Variants in CAMK1D observed in about 807,000 individuals in gnomAD.
CAMK1D encodes the protein calcium/calmodulin dependent protein kinase ID, also known as calcium/calmodulin-dependent protein kinase type 1D.
CAMK1D carries 9 observed loss-of-function variants against 47.7 expected under a neutral mutation model. That is an observed-to-expected ratio of 0.19 (90% CI 0.11 to 0.33). The LOEUF (loss-of-function observed/expected upper bound fraction) is 0.33. CAMK1D is among the 10% of genes least tolerant of loss of function. The pLI, the probability that CAMK1D is intolerant of heterozygous loss-of-function variation, is 1.00. For missense variants in CAMK1D, 291 were observed against 488.7 expected, an observed-to-expected ratio of 0.60 and a Z score of 3.81; for synonymous variants, 184 against 184.9, an observed-to-expected ratio of 0.99 and a Z score of 0.04.
At chr10:12,704,799 G>C (rs1489014530) in intron 3 of CAMK1D, among the ~76,000 whole-genome samples, 1 of 152,158 alleles carries the variant, frequency 6.6e-6, no homozygotes, top group Non-Finnish European at 1.5e-5. Flanking sequence ...CCCATGGAAA[G>C]TCTATTTCTT....
At chr10:12,743,253 A>G (rs1419268007) in intron 3 of CAMK1D, among the ~76,000 whole-genome samples, 1 of 151,680 alleles carries the variant, frequency 6.6e-6, no homozygotes, top group Non-Finnish European at 1.5e-5. Flanking sequence ...AGGCTGAGGC[A>G]GGAGAATCAC....
chr10:12,553,158 G>T, intron 1 of CAMK1D, 67 bp from the exon 2 acceptor site: 6 of 1,609,476 alleles, frequency 3.7e-6, no homozygotes, highest in Non-Finnish European at 5.1e-6. Context: ...CGGTGGTAGG[G>T]TGAATGGAGC....
At chr10:12,350,512 G>A (rs192621024) in intron 1 of CAMK1D, among the ~76,000 whole-genome samples, 1 of 152,200 alleles carries the variant, frequency 6.6e-6, no homozygotes, top group African/African-American at 2.4e-5. Context: ...GGGCTCGGCC[G>A]CACGCGCCGG....
rs1034915050 is a variant in CAMK1D at position 12,409,286 on chromosome 10, G to A, written c.92+59376G>A. Among the ~76,000 whole-genome samples, 6 of 152,034 alleles carry A rather than the reference G, an allele frequency of 3.9e-5. No individual in the cohort carries two copies. The South Asian group carries it at 6.3e-4, about 16-fold the overall frequency. The stretch of plus-strand genomic sequence containing the variant: ...TGGTCCCTATTACGGTGGACTTGGC[G>A]CCTACACTCATGATTGGGAGAGGAA... On this transcript the variant is annotated intron_variant, in intron 1 of 10. Coordinates refer to ENST00000619168, the MANE Select transcript of CAMK1D (RefSeq NM_153498.4).
rs762894154 is a variant in CAMK1D, at chr10:12,791,172, G to A, written c.580G>A (p.Ala194Thr). The change falls in exon 6 of 11, where the codon GCC becomes ACC. Residue 194 changes from alanine to threonine, a missense_variant. Physicochemically the swap from Ala to Thr is moderately conservative, Grantham distance 58. Transcript: ENST00000619168. Reference sequence around the variant, plus strand: ...TCTTTCTGCAGCTCCTGAAGTCCTCGCCCAGAAACCTTACAGCAAAGCCGT... The same window carrying A: ...TCTTTCTGCAGCTCCTGAAGTCCTCACCCAGAAACCTTACAGCAAAGCCGT... ...TPGYVAPEVL[A>T]QKPYSKAVDC... 23 of 1,613,958 alleles carry A rather than the reference G, an allele frequency of 1.4e-5. No individual in the cohort carries two copies. The highest frequency in any genetic ancestry group is 6.7e-5 in the Admixed American group (4 of 59,994).
At chr10:12,549,119 G>T (rs1368802836) in intron 1 of CAMK1D, among the ~76,000 whole-genome samples, 1 of 152,110 alleles carries the variant, frequency 6.6e-6, no homozygotes, top group African/African-American at 2.4e-5. Context: ...GCCTCCCAAA[G>T]TGCTGGGATT....
intron 1 of CAMK1D, among the ~76,000 whole-genome samples, chr10:12,393,949 A>G (rs563917199): frequency 2.0e-5 from 3 of 152,260 alleles, no homozygotes; most frequent in South Asian, 4.1e-4. Context: ...GACACTGACT[A>G]TGTGCAGGTA....
At chr10:12,779,800 AC>A (rs35437811) in intron 5 of CAMK1D, among the ~76,000 whole-genome samples, 34,174 of 152,092 alleles carry the variant, frequency 0.22, 4,019 homozygotes, top group East Asian at 0.46. Context: ...GGAGTGCACA[AC>A]CACAGCCACA....
At chr10:12,479,451 C>T (rs1200004732) in intron 1 of CAMK1D, among the ~76,000 whole-genome samples, 1 of 152,192 alleles carries the variant, frequency 6.6e-6, no homozygotes, top group Non-Finnish European at 1.5e-5. Flanking sequence ...CTGCCTCAGC[C>T]TCCCAAATTG....
chr10:12,431,312 A>G (rs1320733573), intron 1 of CAMK1D, among the ~76,000 whole-genome samples: 1 of 152,106 alleles, frequency 6.6e-6, no homozygotes, highest in Non-Finnish European at 1.5e-5. Context: ...CTGCACTGTA[A>G]TCCCTGGTTA....
chr10:12,543,397 A>G (rs1836261113), intron 1 of CAMK1D, among the ~76,000 whole-genome samples: 2 of 152,180 alleles, frequency 1.3e-5, no homozygotes, highest in Admixed American at 1.3e-4. Flanking sequence ...GGTATTAGAA[A>G]CTGGAAAAGA....
chr10:12,555,096 A>T (rs1313479619), intron 2 of CAMK1D, among the ~76,000 whole-genome samples: 1 of 152,216 alleles, frequency 6.6e-6, no homozygotes, highest in Non-Finnish European at 1.5e-5. Flanking sequence ...GGGGTTTGGA[A>T]TCAGCACATA....
intron 1 of CAMK1D, among the ~76,000 whole-genome samples, chr10:12,478,283 C>T (rs1207873750): frequency 2.0e-5 from 3 of 151,792 alleles, no homozygotes; most frequent in Non-Finnish European, 4.4e-5. Flanking sequence ...GCTGGGATTA[C>T]AGGCGTGAGC....
intron 3 of CAMK1D, among the ~76,000 whole-genome samples, chr10:12,717,725 A>C (rs569602259): frequency 1.7e-4 from 11 of 65,962 alleles, no homozygotes; most frequent in African/African-American, 3.5e-4. Context: ...GTCTCTACAA[A>C]AAATTGAAAA....
intron 3 of CAMK1D, among the ~76,000 whole-genome samples, chr10:12,707,185 T>C (rs986021102): frequency 6.6e-6 from 1 of 152,216 alleles, no homozygotes. Context: ...GTCTCTTGCT[T>C]CTTTTGCTTA....
intron 1 of CAMK1D, among the ~76,000 whole-genome samples, chr10:12,403,910 G>T (rs377586323): frequency 3.3e-5 from 5 of 151,694 alleles, no homozygotes; most frequent in East Asian, 1.9e-4. Flanking sequence ...GCAGGTCCCT[G>T]GTTTCCCAGT....
chr10:12,734,403 T>A (rs11599866), intron 3 of CAMK1D, among the ~76,000 whole-genome samples: 1 of 67,610 alleles, frequency 1.5e-5, no homozygotes, highest in African/African-American at 6.8e-5. Context: ...TATATATATA[T>A]ATACACACAC....
intron 2 of CAMK1D, among the ~76,000 whole-genome samples, chr10:12,627,490 G>A (rs189471187): frequency 2.6e-5 from 4 of 152,240 alleles, no homozygotes; most frequent in African/African-American, 4.8e-5. Context: ...CCCAGTCAAG[G>A]TATAGAATTT....
intron 1 of CAMK1D, among the ~76,000 whole-genome samples, chr10:12,493,428 G>A (rs1834447753): frequency 6.6e-6 from 1 of 152,170 alleles, no homozygotes; most frequent in Admixed American, 6.5e-5. Flanking sequence ...ACGTCAGATG[G>A]AAGCTGTGCA....
Sources: allele counts gnomAD v4.1 joint callset (sites outside exome capture counted in the v4.1 genomes callset), GRCh38; gene constraint gnomAD v4.1.1; transcripts MANE v1.5; gene names NCBI Gene and HGNC (gene_info 2026-07-23, HGNC 2026-07-21).